AGBL4: variants seen among roughly 807,000 people sequenced by gnomAD.
The protein encoded by AGBL4 is cytosolic carboxypeptidase 6.
A neutral mutation model predicts 66.4 loss-of-function variants in AGBL4; 58 were observed. The ratio of observed to expected loss-of-function variants is 0.87; its 90% CI spans 0.71 to 1.09. The LOEUF is 1.09. AGBL4 is among the 50% of genes least tolerant of loss of function. The probability of loss-of-function intolerance (pLI) is 0.00; values close to 1 mark genes in which losing one functional copy is unlikely to be tolerated. For synonymous variants in AGBL4, 234 were observed against 222.9 expected (o/e 1.05, Z -0.44); for missense variants, 579 against 631.0 (o/e 0.92, Z 0.88).
intron 3 of AGBL4, among the ~76,000 whole-genome samples, chr1:49,388,412 T>C (rs1373418926): frequency 2.6e-5 from 4 of 152,150 alleles, no homozygotes; most frequent in African/African-American, 9.6e-5. Flanking sequence ...TGCTGATCCC[T>C]GCTGTAGTAC....
intron 2 of AGBL4, among the ~76,000 whole-genome samples, chr1:49,847,114 A>C (rs773603676): frequency 6.6e-6 from 1 of 152,210 alleles, no homozygotes; most frequent in Non-Finnish European, 1.5e-5. Flanking sequence ...TAGAGAACCC[A>C]GAAATAAAGC....
intron 3 of AGBL4, among the ~76,000 whole-genome samples, chr1:49,395,846 TATAC>T (rs767970621): frequency 0.069 from 6,220 of 90,666 alleles, 556 homozygotes; most frequent in African/African-American, 0.21. Flanking sequence ...TATATATATA[TATAC>T]ACACATAAAT....
chr1:49,808,218 CTCTTCCAATTGCT>C (rs1212880182), intron 2 of AGBL4, among the ~76,000 whole-genome samples: 2 of 152,198 alleles, frequency 1.3e-5, no homozygotes, highest in Admixed American at 1.3e-4. Flanking sequence ...TTTGGAAACT[CTCTTCCAATTGCT>C]TCTATTTTCT....
intron 6 of AGBL4, among the ~76,000 whole-genome samples, chr1:48,806,905 C>T (rs1019390837): frequency 1.3e-5 from 2 of 149,956 alleles, no homozygotes; most frequent in East Asian, 2.1e-4. Context: ...ATTACACCTG[C>T]CTCAGAAGGT....
intron 11 of AGBL4, among the ~76,000 whole-genome samples, chr1:48,546,396 G>A (rs188229274): frequency 5.1e-4 from 78 of 152,354 alleles, no homozygotes; most frequent in African/African-American, 1.8e-3. Flanking sequence ...TGGAGGAATT[G>A]TGAAAGGCTT....
At chr1:49,663,583 T>C (rs892855430) in intron 3 of AGBL4, among the ~76,000 whole-genome samples, 2 of 152,146 alleles carry the variant, frequency 1.3e-5, no homozygotes, top group South Asian at 4.1e-4. Context: ...AGAACTCTAT[T>C]GTGCTCAGCC....
At chr1:48,594,350 A>T (rs1644964158) in intron 9 of AGBL4, among the ~76,000 whole-genome samples, 1 of 152,174 alleles carries the variant, frequency 6.6e-6, no homozygotes, top group African/African-American at 2.4e-5. Flanking sequence ...AAATAATAAA[A>T]TAAATCAATA....
At chr1:49,396,045 A>C (rs12082789) in intron 3 of AGBL4, among the ~76,000 whole-genome samples, 1 of 151,296 alleles carries the variant, frequency 6.6e-6, no homozygotes. Context: ...TCCAGTAACC[A>C]GAAAGTTATA....
intron 4 of AGBL4, among the ~76,000 whole-genome samples, chr1:49,106,119 C>A (rs950364906): frequency 6.6e-6 from 1 of 152,142 alleles, no homozygotes; most frequent in African/African-American, 2.4e-5. Flanking sequence ...TGACGGACCC[C>A]AGTGCTGGCT....
chr1:49,756,239 CG>C (rs1558225744), intron 2 of AGBL4, among the ~76,000 whole-genome samples: 1 of 151,694 alleles, frequency 6.6e-6, no homozygotes, highest in East Asian at 1.9e-4. Context: ...GATATAACCA[CG>C]CAGATATACC....
At chr1:48,985,899 GAA>G (rs982640275) in intron 5 of AGBL4, among the ~76,000 whole-genome samples, 6 of 152,040 alleles carry the variant, frequency 3.9e-5, no homozygotes, top group Non-Finnish European at 7.4e-5. Context: ...AGCATTAGCA[GAA>G]AAAGACATTG....
At chr1:48,623,780 T>C (rs1645454116) in intron 9 of AGBL4, among the ~76,000 whole-genome samples, 1 of 152,222 alleles carries the variant, frequency 6.6e-6, no homozygotes, top group Non-Finnish European at 1.5e-5. Context: ...GATAGGAACC[T>C]GCTCAGACGG....
At chr1:49,047,448 C>T (rs1466629338) in intron 4 of AGBL4, among the ~76,000 whole-genome samples, 1 of 152,052 alleles carries the variant, frequency 6.6e-6, no homozygotes, top group African/African-American at 2.4e-5. Flanking sequence ...AAGCTACTGC[C>T]CATAAATACA....
chr1:49,971,906 G>GTT (rs1658122896), intron 1 of AGBL4, among the ~76,000 whole-genome samples: 1 of 43,442 alleles, frequency 2.3e-5, no homozygotes, highest in Non-Finnish European at 4.3e-5. Flanking sequence ...GGTTTTTTTG[G>GTT]GTTTTTTTTT....
Position 49,271,708 on chromosome 1 carries a change from C to T in AGBL4, c.283-25844G>A, listed in dbSNP as rs540474662. On this transcript the variant is annotated intron_variant, in intron 3 of 13. Coordinates refer to ENST00000371839, the MANE Select transcript of AGBL4 (RefSeq NM_032785.4). ...TATTCTACCATTTACTTTTATTCCT[C>T]CCTACCCCTCCTTCTTCTCCATCTT... is the stretch of plus-strand genomic sequence containing the variant. 3.9e-5 allele frequency among the ~76,000 whole-genome samples: 6 copies of T among 152,232 alleles called. No individual in the cohort carries two copies. The South Asian group carries it at 8.3e-4, about 21-fold the overall frequency.
chr1:49,600,033 T>C (rs540916591), intron 3 of AGBL4, among the ~76,000 whole-genome samples: 4 of 152,336 alleles, frequency 2.6e-5, no homozygotes, highest in East Asian at 1.9e-4. Flanking sequence ...CTTCCAATTA[T>C]GTGGTCAGTT....
intron 2 of AGBL4, among the ~76,000 whole-genome samples, chr1:49,777,377 C>A (rs762838209): frequency 6.6e-6 from 1 of 152,042 alleles, no homozygotes; most frequent in South Asian, 2.1e-4. Flanking sequence ...GTTTTGTAAT[C>A]ATGTATAATT....
At chr1:49,676,761 G>A (rs1646586512) in intron 3 of AGBL4, among the ~76,000 whole-genome samples, 1 of 151,914 alleles carries the variant, frequency 6.6e-6, no homozygotes, top group Non-Finnish European at 1.5e-5. Flanking sequence ...CCTACATACA[G>A]GTATTATTAG....
intron 2 of AGBL4, among the ~76,000 whole-genome samples, chr1:49,712,067 G>C (rs998488953): frequency 6.6e-6 from 1 of 151,932 alleles, no homozygotes; most frequent in Non-Finnish European, 1.5e-5. Context: ...AGCTAGAAGA[G>C]TATTTGTCAA....
Sources: allele counts gnomAD v4.1 joint callset (sites outside exome capture counted in the v4.1 genomes callset), GRCh38; gene constraint gnomAD v4.1.1; transcripts MANE v1.5; gene names NCBI Gene and HGNC (gene_info 2026-07-23, HGNC 2026-07-21).